The following UNC5D variants were observed in gnomAD, a reference collection of about 807,000 sequenced individuals.
The protein encoded by UNC5D is netrin receptor UNC5D.
Under a neutral mutation model 105.4 loss-of-function variants are expected in UNC5D, and 39 were observed. The ratio of observed to expected loss-of-function variants is 0.37; its 90% CI spans 0.29 to 0.48. The LOEUF is 0.48. Ranked by LOEUF, UNC5D falls within the 20% of genes least tolerant of loss-of-function variation. The pLI, the probability that UNC5D is intolerant of heterozygous loss-of-function variation, is 0.98. For missense variants in UNC5D, 991 were observed against 1,202.4 expected, an observed-to-expected ratio of 0.82 and a Z score of 2.60; for synonymous variants, 452 against 450.4, an observed-to-expected ratio of 1.00 and a Z score of -0.04.
intron 1 of UNC5D, among the ~76,000 whole-genome samples, chr8:35,313,379 T>C (rs944954483): frequency 1.3e-5 from 2 of 152,144 alleles, no homozygotes; most frequent in Admixed American, 6.6e-5. Context: ...GAACATATTG[T>C]AGACTAGTCA....
At chr8:35,537,238 TCAG>T (rs1434103089) in intron 1 of UNC5D, among the ~76,000 whole-genome samples, 1 of 152,190 alleles carries the variant, frequency 6.6e-6, no homozygotes, top group Non-Finnish European at 1.5e-5. Flanking sequence ...TTGCTAGTAA[TCAG>T]CAAGTGTATA....
At chr8:35,588,570 ATTGT>A (rs1818948967) in intron 3 of UNC5D, among the ~76,000 whole-genome samples, 2 of 152,092 alleles carry the variant, frequency 1.3e-5, no homozygotes, top group Admixed American at 1.3e-4. Context: ...ATACCTCTTA[ATTGT>A]TTGTTTAATA....
rs1356238419 is a variant in UNC5D, at chr8:35,720,766, CCT to C, written c.1118-1443_1118-1442del. Among the ~76,000 whole-genome samples the C allele has an allele frequency of 2.6e-5, 4 of 152,124 alleles. No homozygotes were observed. The East Asian group carries it at 5.8e-4, about 22-fold the overall frequency. On this transcript the variant is annotated intron_variant, in intron 8 of 16. Coordinates refer to ENST00000404895, the MANE Select transcript of UNC5D (RefSeq NM_080872.4). ...GCTGGAATGGAAGTTTAAATCACAC[CCT>C]GTTTCTCAGCGGGCACCATGCTATT...
At chr8:35,356,094 T>C (rs760862168) in intron 1 of UNC5D, among the ~76,000 whole-genome samples, 1 of 152,148 alleles carries the variant, frequency 6.6e-6, no homozygotes, top group Non-Finnish European at 1.5e-5. Context: ...ATCTTTTCTT[T>C]ATAAATTACC....
chr8:35,549,215 G>A, intron 1 of UNC5D, 77 bp from the exon 2 acceptor site: 2 of 1,338,472 alleles, frequency 1.5e-6, no homozygotes, highest in South Asian at 1.3e-5. Context: ...CTTAGAGCTG[G>A]TGCAGGTTTG....
At chr8:35,428,224 C>T (rs1298129366) in intron 1 of UNC5D, among the ~76,000 whole-genome samples, 1 of 151,986 alleles carries the variant, frequency 6.6e-6, no homozygotes, top group African/African-American at 2.4e-5. Context: ...GTCACCCAGG[C>T]TGGACTGCAC....
chr8:35,564,178 T>G (rs1004602494), intron 2 of UNC5D, among the ~76,000 whole-genome samples: 1 of 152,138 alleles, frequency 6.6e-6, no homozygotes, highest in East Asian at 1.9e-4. Context: ...TTGAGACTTG[T>G]TTTGTGGCCT....
chr8:35,475,298 T>C (rs539427024), intron 1 of UNC5D, among the ~76,000 whole-genome samples: 4 of 152,192 alleles, frequency 2.6e-5, no homozygotes, highest in Non-Finnish European at 4.4e-5. Context: ...TCCATTTTTC[T>C]CCACATTCTG....
rs917935307 is a variant in UNC5D, at chr8:35,544,374, GA to G, written c.104-4914del. On this transcript the variant is annotated intron_variant, in intron 1 of 16. Transcript: ENST00000404895. Reference sequence around the variant, plus strand: ...GGAACGTTTTCTGCCACAAATAACAGAAAATCTATCAGTAGCGTTAAATAAG... The same window carrying G: ...GGAACGTTTTCTGCCACAAATAACAGAAATCTATCAGTAGCGTTAAATAAG... 37 of 1,595,144 alleles carry G rather than the reference GA, an allele frequency of 2.3e-5. No homozygotes were observed. The African/African-American group carries it at 3.4e-4, about 15-fold the overall frequency.
chr8:35,285,905 C>T (rs1160328883), intron 1 of UNC5D, among the ~76,000 whole-genome samples: 2 of 152,130 alleles, frequency 1.3e-5, no homozygotes, highest in African/African-American at 4.8e-5. Flanking sequence ...ACAGTTAGCA[C>T]ATTTTATATG....
chr8:35,480,045 C>T (rs538264814), intron 1 of UNC5D, among the ~76,000 whole-genome samples: 2 of 152,274 alleles, frequency 1.3e-5, no homozygotes, highest in African/African-American at 4.8e-5. Context: ...TAACAGATCA[C>T]TCTGAGTTAT....
At chr8:35,423,143 T>C (rs908448433) in intron 1 of UNC5D, among the ~76,000 whole-genome samples, 1 of 152,220 alleles carries the variant, frequency 6.6e-6, no homozygotes, top group Admixed American at 6.5e-5. Flanking sequence ...TTTTATGACA[T>C]GTGCATGGAG....
At chr8:35,784,338 A>G (rs751477301) in intron 16 of UNC5D, among the ~76,000 whole-genome samples, 4 of 152,182 alleles carry the variant, frequency 2.6e-5, no homozygotes, top group Non-Finnish European at 4.4e-5. Flanking sequence ...TGTATTTTAC[A>G]GTTTATCTGT....
intron 1 of UNC5D, among the ~76,000 whole-genome samples, chr8:35,529,479 G>C (rs1233949224): frequency 2.7e-5 from 4 of 147,060 alleles, no homozygotes; most frequent in Non-Finnish European, 6.0e-5. Context: ...AAGTCAGGTA[G>C]TGTGATGCCT....
At chr8:35,352,376 T>C (rs1399939764) in intron 1 of UNC5D, among the ~76,000 whole-genome samples, 2 of 152,100 alleles carry the variant, frequency 1.3e-5, no homozygotes, top group African/African-American at 4.8e-5. Context: ...TTATTCTCTT[T>C]ACAAGATTTT....
At chr8:35,772,432 C>G (rs1336058521) in intron 15 of UNC5D, among the ~76,000 whole-genome samples, 2 of 152,178 alleles carry the variant, frequency 1.3e-5, no homozygotes, top group African/African-American at 4.8e-5. Flanking sequence ...ATAGTTTATA[C>G]TTATGTGAGC....
Position 35,686,690 on chromosome 8 carries a change from A to G in UNC5D, c.1065A>G (p.Thr355=), listed in dbSNP as rs1241893912. ...EGLSQESENC[T]DGLCILDKKP... ...TAAGCCAGGAATCTGAAAACTGCACAGATGGTCTTTGCATCCTAGGTAACA... is the reference window on the plus strand; with the variant it reads ...TAAGCCAGGAATCTGAAAACTGCACGGATGGTCTTTGCATCCTAGGTAACA... The change falls in exon 7 of 17, where the codon ACA becomes ACG. Residue 355 remains threonine, a synonymous_variant. Transcript: ENST00000404895. 4.4e-6 allele frequency: 7 copies of G among 1,601,194 alleles called. No homozygotes were observed. The highest frequency in any genetic ancestry group is 1.3e-5 in the African/African-American group (1 of 74,080).
intron 1 of UNC5D, among the ~76,000 whole-genome samples, chr8:35,398,954 G>A (rs536533150): frequency 2.6e-5 from 4 of 151,934 alleles, no homozygotes; most frequent in East Asian, 3.9e-4. Flanking sequence ...TCAGGAGTTC[G>A]AGACCAGCCT....
chr8:35,337,414 C>T (rs896892395), intron 1 of UNC5D, among the ~76,000 whole-genome samples: 3 of 152,124 alleles, frequency 2.0e-5, no homozygotes, highest in Admixed American at 1.3e-4. Flanking sequence ...ATTCTTTTTC[C>T]ATTCTGACAT....
Sources: allele counts gnomAD v4.1 joint callset (sites outside exome capture counted in the v4.1 genomes callset), GRCh38; gene constraint gnomAD v4.1.1; transcripts MANE v1.5; gene names NCBI Gene and HGNC (gene_info 2026-07-23, HGNC 2026-07-21).